ACVR2B: variants seen among roughly 807,000 people sequenced by gnomAD.
The protein encoded by ACVR2B is activin A receptor type 2B, also known as activin receptor type-2B.
Under a neutral mutation model 65.1 loss-of-function variants are expected in ACVR2B, and 18 were observed. That is an observed-to-expected ratio of 0.28 (90% CI 0.19 to 0.41). ACVR2B has a LOEUF of 0.41. Among genes scored for constraint, ACVR2B ranks in the 10% least tolerant of loss-of-function variants. The pLI is 1.00. For missense variants in ACVR2B, 482 were observed against 682.7 expected, an observed-to-expected ratio of 0.71 and a Z score of 3.28; for synonymous variants, 298 against 277.7, an observed-to-expected ratio of 1.07 and a Z score of -0.73.
rs1710072287 is a variant in ACVR2B, at chr3:38,484,105, A to G, written c.*773A>G. 1 of 152,722 alleles carries G rather than the reference A, an allele frequency of 6.5e-6. No homozygotes were observed. The highest frequency in any genetic ancestry group is 6.5e-5 in the Admixed American group (1 of 15,280). The allele number at this position is 152,722 out of a possible 1,614,324, so 9.5% of individuals were successfully genotyped here. A position where few individuals can be genotyped will look rare whatever the true frequency, so the allele number is the denominator to read the frequency against. The stretch of plus-strand genomic sequence containing the variant: ...GGGAAGGACCTTGTGGAGGCCGAGC[A>G]TTAACAGCAAGAGCGGGGTTTGGAG... On this transcript the variant is annotated 3_prime_UTR_variant, in exon 11 of 11. Coordinates refer to ENST00000352511, the MANE Select transcript of ACVR2B (RefSeq NM_001106.4).
chr3:38,478,328 A>C (rs1390933825), intron 4 of ACVR2B, 36 bp downstream of exon 4: 10 of 1,613,850 alleles, frequency 6.2e-6, no homozygotes, highest in Non-Finnish European at 8.5e-6. Flanking sequence ...GGCAGGATAG[A>C]GGTGGGGAGG....
In ACVR2B at chr3:38,478,451, G is replaced by A. The variant is rs774650861; in HGVS notation, c.599G>A (p.Arg200His). The part of the protein sequence containing the change: ...LQLLEIKARG[R>H]FGCVWKAQLM... ...CTGCTGGAGATCAAGGCTCGGGGGC[G>A]CTTTGGCTGTGTCTGGAAGGCCCAG... The change falls in exon 5 of 11, where the codon CGC (arginine) becomes CAC (histidine). Residue 200 changes from arginine (R) to histidine (H), a missense_variant. By Grantham distance (29) the Arg-to-His change is conservative. Transcript: ENST00000352511. 4.3e-6 allele frequency: 7 copies of A among 1,614,036 alleles called. No homozygotes were observed. In the South Asian group the frequency reaches 4.4e-5, roughly 10 times the overall value.
intron 1 of ACVR2B, among the ~76,000 whole-genome samples, chr3:38,463,918 C>T (rs891716991): frequency 6.6e-6 from 1 of 152,172 alleles, no homozygotes; most frequent in African/African-American, 2.4e-5. Context: ...TGGTAGCCTT[C>T]TTGCTATGTA....
intron 5 of ACVR2B, 100 bp from the exon 6 acceptor site, chr3:38,479,028 G>C: frequency 6.6e-7 from 1 of 1,521,576 alleles, no homozygotes; most frequent in Non-Finnish European, 9.1e-7. Flanking sequence ...GGAGGCTTGA[G>C]GGTGGGGAAT....
chr3:38,459,740 A>G, intron 1 of ACVR2B: 1 of 922,974 alleles, frequency 1.1e-6, no homozygotes, highest in Non-Finnish European at 1.3e-6. Flanking sequence ...TGGGAATCTG[A>G]GGGCAGGGCC....
At chr3:38,478,051 G>C in intron 3 of ACVR2B, 81 bp downstream of exon 3, 3 of 1,595,074 alleles carry the variant, frequency 1.9e-6, no homozygotes, top group Non-Finnish European at 1.7e-6. Flanking sequence ...TCCTCAGTTG[G>C]GTGGGGTGTG....
intron 7 of ACVR2B, among the ~76,000 whole-genome samples, chr3:38,480,650 A>AT (rs1710001876): frequency 6.6e-6 from 1 of 152,256 alleles, no homozygotes. Context: ...CAGTAATGAC[A>AT]TAGAAGGTAG....
At position 38,477,739 on chromosome 3, in the gene ACVR2B, C is replaced by G. The variant is rs562276979; in HGVS notation, c.261-122C>G. On this transcript the variant is annotated intron_variant, in intron 2 of 10. Transcript: ENST00000352511. The surrounding 1 kb of genome is among the most constrained non-coding windows in gnomAD (Gnocchi z 6.7). The stretch of plus-strand genomic sequence containing the variant: ...GGGTCTCCTGTAGGGGAGGTGAGTT[C>G]ACACCGTCCCCCTGGTGTTGCCCAT... 2.6e-6 allele frequency: 3 copies of G among 1,149,098 alleles called. No homozygotes were observed. Among genetic ancestry groups the G allele is most frequent in the Non-Finnish European group, 4.0e-6 (3 of 756,896 alleles). 71.2% of individuals were successfully genotyped at this position (1,149,098 alleles called of 1,614,324 possible).
intron 1 of ACVR2B, among the ~76,000 whole-genome samples, chr3:38,466,496 A>G (rs1709730118): frequency 6.8e-6 from 1 of 146,628 alleles, no homozygotes; most frequent in African/African-American, 2.5e-5. Context: ...TCAATTTTTA[A>G]ACCAAAACTT....
Position 38,487,819 on chromosome 3 carries a change from G to A in ACVR2B, c.*4487G>A, listed in dbSNP as rs887809385. ...AGAAGTTGGACAGCTAGTTATTCTC[G>A]AGAACTTTATTTCACTAGAAAAATA... On this transcript the variant is annotated 3_prime_UTR_variant, in exon 11 of 11. Coordinates refer to ENST00000352511, the MANE Select transcript of ACVR2B (RefSeq NM_001106.4). The A allele has an allele frequency of 6.6e-6, 1 of 152,190 alleles. No individual in the cohort carries two copies. The highest frequency in any genetic ancestry group is 2.1e-4 in the South Asian group (1 of 4,832). The allele number at this position is 152,190 out of a possible 1,614,324, so 9.4% of individuals were successfully genotyped here. A position where few individuals can be genotyped will look rare whatever the true frequency, so the allele number is the denominator to read the frequency against.
chr3:38,457,720 C>T (rs1202318980), intron 1 of ACVR2B, among the ~76,000 whole-genome samples: 1 of 152,204 alleles, frequency 6.6e-6, no homozygotes, highest in Non-Finnish European at 1.5e-5. Context: ...GGAGAGGGAC[C>T]TGCCTCCTGT....
At chr3:38,479,087 G>A (rs200389337) in intron 5 of ACVR2B, 41 bp from the exon 6 acceptor site, 17 of 1,613,022 alleles carry the variant, frequency 1.1e-5, no homozygotes, top group Non-Finnish European at 1.7e-6. Context: ...GCAGGGCTAA[G>A]CCAGCCACTT....
rs749876565 is a variant in ACVR2B, at chr3:38,492,813, A to G, written c.*9481A>G. 6.8e-6 allele frequency: 1 copy of G among 146,428 alleles called. No homozygotes were observed. Among genetic ancestry groups the G allele is most frequent in the Non-Finnish European group, 1.5e-5 (1 of 66,664 alleles). 9.1% of individuals were successfully genotyped at this position (146,428 alleles called of 1,614,324 possible). On this transcript the variant is annotated 3_prime_UTR_variant, in exon 11 of 11. Transcript: ENST00000352511. The stretch of plus-strand genomic sequence containing the variant: ...ACACACACACACACACATACACCTA[A>G]AATGGCCTAAAGCAGACATCCATGT...
chr3:38,475,488 C>G (rs1235045026), intron 1 of ACVR2B: 4 of 152,206 alleles, frequency 2.6e-5, no homozygotes, highest in Non-Finnish European at 5.9e-5. Context: ...CCCTTAGGTG[C>G]TACCTGGATC....
intron 1 of ACVR2B, among the ~76,000 whole-genome samples, chr3:38,468,965 TC>T (rs1709777338): frequency 6.6e-6 from 1 of 152,160 alleles, no homozygotes; most frequent in Non-Finnish European, 1.5e-5. Context: ...GGCATGTATT[TC>T]AGAGCTGTGG....
At chr3:38,459,200 G>C (rs1709598959) in intron 1 of ACVR2B, among the ~76,000 whole-genome samples, 1 of 152,182 alleles carries the variant, frequency 6.6e-6, no homozygotes, top group Non-Finnish European at 1.5e-5. Context: ...TCAAAGCCTA[G>C]GAGATTCCTG....
At chr3:38,455,341 G>A (rs1418790005) in intron 1 of ACVR2B, among the ~76,000 whole-genome samples, 1 of 152,194 alleles carries the variant, frequency 6.6e-6, no homozygotes, top group African/African-American at 2.4e-5. Flanking sequence ...CTGGCGAGAA[G>A]GTCGGGGCGG....
At chr3:38,459,296 G>A (rs1326364235) in intron 1 of ACVR2B, among the ~76,000 whole-genome samples, 4 of 152,218 alleles carry the variant, frequency 2.6e-5, no homozygotes, top group African/African-American at 7.2e-5. Flanking sequence ...GAATCCTGGC[G>A]TCCTTGAGTT....
In ACVR2B at chr3:38,486,591, C is replaced by G. The variant is rs1223281868; in HGVS notation, c.*3259C>G. 1 of 152,174 alleles carries G rather than the reference C, an allele frequency of 6.6e-6. No homozygotes were observed. The highest frequency in any genetic ancestry group is 2.4e-5 in the African/African-American group (1 of 41,402). The allele number at this position is 152,174 out of a possible 1,614,324, so 9.4% of individuals were successfully genotyped here. ...GTTTCTTTTTGTTTTTGACCTCAGG[C>G]TCTGTGGCAGACTGGGGAAAATGGG... is the stretch of plus-strand genomic sequence containing the variant. On this transcript the variant is annotated 3_prime_UTR_variant, in exon 11 of 11. Transcript: ENST00000352511.
Sources: gnomAD v4.1 joint callset for allele counts (sites outside exome capture counted in the v4.1 genomes callset) on GRCh38, gnomAD v4.1.1 for gene constraint, Gnocchi (gnomAD v3.1) non-coding constraint, MANE v1.5 for transcripts, NCBI Gene and HGNC (gene_info 2026-07-23, HGNC 2026-07-21) for gene names.